The following CSPP1 variants were observed in gnomAD, a reference collection of about 807,000 sequenced individuals.
The protein encoded by CSPP1 is centrosome and spindle pole associated protein 1.
A neutral mutation model predicts 164.4 loss-of-function variants in CSPP1; 126 were observed. That is an observed-to-expected ratio of 0.77 (90% CI 0.66 to 0.89). The LOEUF (loss-of-function observed/expected upper bound fraction) is 0.89. Among genes scored for constraint, CSPP1 ranks in the 40% least tolerant of loss-of-function variants. CSPP1 has a pLI of 0.00. For synonymous variants in CSPP1, 472 were observed against 476.7 expected (o/e 0.99, Z 0.13); for missense variants, 1,395 against 1,449.8 (o/e 0.96, Z 0.61).
intron 28 of CSPP1, among the ~76,000 whole-genome samples, chr8:67,186,418 TAA>T (rs60962928): frequency 0.075 from 10,490 of 140,420 alleles, 863 homozygotes; most frequent in African/African-American, 0.2. Flanking sequence ...TGTTTTAAAT[TAA>T]AAAAAAAAAA....
intron 15 of CSPP1, among the ~76,000 whole-genome samples, chr8:67,128,727 C>T (rs16933171): frequency 1.2e-3 from 177 of 152,114 alleles, no homozygotes; most frequent in African/African-American, 4.0e-3. Flanking sequence ...CACAAGGATC[C>T]TAAAACTGAA....
chr8:67,193,395 C>A, intron 29 of CSPP1, 69 bp from the exon 30 acceptor site: 2 of 1,411,446 alleles, frequency 1.4e-6, no homozygotes, highest in Non-Finnish European at 9.9e-7. Context: ...CCATGCCTGG[C>A]CCTGATTCAC....
chr8:67,164,374 T>C lies in CSPP1; in HGVS notation c.2711-17T>C, dbSNP rs1439694049. ...TTATTCCTGTCTTGTGTTTTACTTATCAATGGGAATTTGCAGAGGAGAAAA... is the reference window on the plus strand; with the variant it reads ...TTATTCCTGTCTTGTGTTTTACTTACCAATGGGAATTTGCAGAGGAGAAAA... On this transcript the variant is annotated splice_polypyrimidine_tract_variant and intron_variant, in intron 23 of 30. Transcript: ENST00000678616. The C allele has an allele frequency of 2.6e-6, 3 of 1,149,708 alleles. No individual in the cohort carries two copies. Among genetic ancestry groups the C allele is most frequent in the Admixed American group, 1.7e-5 (1 of 58,312 alleles). 71.2% of individuals were successfully genotyped at this position (1,149,708 alleles called of 1,614,324 possible). A position where few individuals can be genotyped will look rare whatever the true frequency, so the allele number is the denominator to read the frequency against.
intron 29 of CSPP1, among the ~76,000 whole-genome samples, chr8:67,193,129 C>T (rs1055260109): frequency 1.5e-4 from 23 of 151,258 alleles, no homozygotes; most frequent in Non-Finnish European, 2.8e-4. Context: ...TGGTTTTTTT[C>T]TTTTTTTTTG....
At chr8:67,192,697 G>T (rs763086790) in intron 29 of CSPP1, among the ~76,000 whole-genome samples, 1 of 152,200 alleles carries the variant, frequency 6.6e-6, no homozygotes, top group African/African-American at 2.4e-5. Flanking sequence ...AGGGTGTGAG[G>T]TGCAGGGGTC....
At chr8:67,130,636 C>T (rs894409420) in intron 15 of CSPP1, among the ~76,000 whole-genome samples, 2 of 152,134 alleles carry the variant, frequency 1.3e-5, no homozygotes, top group African/African-American at 4.8e-5. Flanking sequence ...GGTAAATACA[C>T]AATGGAACTC....
At chr8:67,184,679 G>A (rs111602752) in intron 28 of CSPP1, among the ~76,000 whole-genome samples, 2,474 of 151,690 alleles carry the variant, frequency 0.016, 72 homozygotes, top group African/African-American at 0.057. Flanking sequence ...AGCTGAAATC[G>A]TGCCACTGCA....
At chr8:67,167,648 C>T (rs1168270893) in intron 24 of CSPP1, among the ~76,000 whole-genome samples, 4 of 152,044 alleles carry the variant, frequency 2.6e-5, no homozygotes, top group Non-Finnish European at 4.4e-5. Context: ...ACGCTCCTCA[C>T]CTCCCAGACA....
At chr8:67,137,681 A>C in intron 17 of CSPP1, 78 bp downstream of exon 17, 1 of 960,734 alleles carries the variant, frequency 1.0e-6, no homozygotes, top group Non-Finnish European at 1.5e-6. Flanking sequence ...GAGTAGAAAA[A>C]AGTAGGAATC....
intron 4 of CSPP1, among the ~76,000 whole-genome samples, chr8:67,091,528 T>C (rs1811607361): frequency 6.6e-6 from 1 of 152,228 alleles, no homozygotes; most frequent in African/African-American, 2.4e-5. Flanking sequence ...TTCATGCTTC[T>C]AATCATCTTG....
At chr8:67,126,204 G>A (rs775748174) in intron 15 of CSPP1, among the ~76,000 whole-genome samples, 4 of 152,132 alleles carry the variant, frequency 2.6e-5, no homozygotes, top group South Asian at 2.1e-4. Context: ...AATCTTTGTT[G>A]ATTAAATACA....
intron 28 of CSPP1, among the ~76,000 whole-genome samples, chr8:67,185,122 A>G (rs111746753): frequency 1.4e-5 from 2 of 141,844 alleles, no homozygotes; most frequent in Admixed American, 1.4e-4. Flanking sequence ...AAAAAACAAA[A>G]ACAAACAAAC....
chr8:67,093,259 A>C (rs150146131), intron 5 of CSPP1, among the ~76,000 whole-genome samples: 3 of 152,058 alleles, frequency 2.0e-5, no homozygotes, highest in Admixed American at 1.3e-4. Flanking sequence ...GAACGAAGCA[A>C]CTCCCTTCTG....
rs773825078 is a variant in CSPP1, at chr8:67,172,486, C to A, written c.2899C>A (p.Gln967Lys). Residue 967 changes from glutamine (Q) to lysine (K), a missense_variant, in exon 25 of 31, where the codon CAG (glutamine) becomes AAG (lysine). By Grantham distance (53) the Gln-to-Lys change is moderately conservative. Transcript: ENST00000678616. ...RHRLQAPVRR[Q>K]SPKGLDAATF... Reference sequence around the variant, plus strand: ...TCGGTTGCAAGCTCCTGTCAGAAGACAGTCCCCTAAGGGCTTAGACGCTGC... The same window carrying A: ...TCGGTTGCAAGCTCCTGTCAGAAGAAAGTCCCCTAAGGGCTTAGACGCTGC... 2 of 1,613,000 alleles carry A rather than the reference C, an allele frequency of 1.2e-6. No individual in the cohort carries two copies. The highest frequency in any genetic ancestry group is 1.7e-6 in the Non-Finnish European group (2 of 1,178,992).
intron 1 of CSPP1, among the ~76,000 whole-genome samples, chr8:67,069,662 CTTT>C (rs1228205792): frequency 8.1e-6 from 1 of 124,102 alleles, no homozygotes; most frequent in Non-Finnish European, 1.8e-5. Flanking sequence ...TCTTTTCTTT[CTTT>C]TTTTTTTTTT....
rs567550598 is a variant in CSPP1, at chr8:67,086,092, C to T, written c.285C>T (p.Tyr95=). The part of the protein sequence containing the change: ...HKLKEELRQD[Y]RRYLTQKNFL... ...TAAAAGAAGAATTGCGGCAAGATTA[C>T]AGACGTTATCTTACTCAGGTAATGA... Residue 95 remains tyrosine, a synonymous_variant, in exon 4 of 31, where the codon TAC becomes TAT. Transcript: ENST00000678616. 6 of 1,417,528 alleles carry T rather than the reference C, an allele frequency of 4.2e-6. No homozygotes were observed. In the African/African-American group the frequency reaches 5.6e-5, roughly 13 times the overall value. 87.8% of individuals were successfully genotyped at this position (1,417,528 alleles called of 1,614,324 possible). A position where few individuals can be genotyped will look rare whatever the true frequency, so the allele number is the denominator to read the frequency against.
intron 21 of CSPP1, among the ~76,000 whole-genome samples, chr8:67,159,909 TTTCTTTCTTTC>T (rs1487301516): frequency 1.5e-5 from 1 of 64,528 alleles, no homozygotes; most frequent in Non-Finnish European, 2.9e-5. Flanking sequence ...TCTTTCTTTC[TTTCTTTCTTTC>T]TTTCCTTTCC....
chr8:67,161,537 G>T (rs985935637), intron 21 of CSPP1, among the ~76,000 whole-genome samples: 2 of 151,428 alleles, frequency 1.3e-5, no homozygotes, highest in Non-Finnish European at 2.9e-5. Context: ...CTTTTTTGTT[G>T]CTTTACTTGT....
intron 21 of CSPP1, among the ~76,000 whole-genome samples, chr8:67,159,506 A>ATATT (rs1827317944): frequency 1.5e-5 from 1 of 68,904 alleles, no homozygotes; most frequent in Admixed American, 1.7e-4. Context: ...ATATATATGT[A>ATATT]TTCTTTTTTT....
Sources: gnomAD v4.1 joint callset for allele counts (sites outside exome capture counted in the v4.1 genomes callset) on GRCh38, gnomAD v4.1.1 for gene constraint, MANE v1.5 for transcripts, NCBI Gene and HGNC (gene_info 2026-07-23, HGNC 2026-07-21) for gene names.